DGKB: variants seen among roughly 807,000 people sequenced by gnomAD.
The protein encoded by DGKB is 90 kDa diacylglycerol kinase.
A neutral mutation model predicts 114.3 loss-of-function variants in DGKB; 67 were observed. The observed-to-expected ratio is 0.59, with a 90% CI of 0.48 to 0.72. The LOEUF (loss-of-function observed/expected upper bound fraction) is 0.72, where lower values mean the gene tolerates loss of function less well. DGKB is among the 30% of genes least tolerant of loss of function. The probability of loss-of-function intolerance (pLI) is 0.00; values close to 1 mark genes in which losing one functional copy is unlikely to be tolerated. For synonymous variants in DGKB, 398 were observed against 323.1 expected, an observed-to-expected ratio of 1.23 and a Z score of -2.49; for missense variants, 907 against 975.2, an observed-to-expected ratio of 0.93 and a Z score of 0.93.
At chr7:14,197,835 A>T (rs1340031955) in intron 23 of DGKB, among the ~76,000 whole-genome samples, 1 of 152,144 alleles carries the variant, frequency 6.6e-6, no homozygotes, top group Non-Finnish European at 1.5e-5. Flanking sequence ...TGACAAGCTC[A>T]CAGGCATTCA....
chr7:14,214,408 T>C (rs1788626750), intron 23 of DGKB, among the ~76,000 whole-genome samples: 1 of 152,020 alleles, frequency 6.6e-6, no homozygotes, highest in Non-Finnish European at 1.5e-5. Context: ...CAAAGAAAAA[T>C]TTAATGTTTA....
In DGKB at chr7:14,450,955, T is replaced by C. The variant is rs555625584; in HGVS notation, c.1835+27206A>G. Among the ~76,000 whole-genome samples the C allele has an allele frequency of 4.4e-3, 663 of 152,118 alleles. 4 individuals are homozygous for C. The highest frequency in any genetic ancestry group is 4.1e-3 in the Non-Finnish European group (279 of 67,968). On this transcript the variant is annotated intron_variant, in intron 21 of 25. Transcript: ENST00000402815. ...AAGGTAATTACACAGTCTACAACCATCAGGAATAGCTATCAGTCAGATGCC... is the reference window on the plus strand; with the variant it reads ...AAGGTAATTACACAGTCTACAACCACCAGGAATAGCTATCAGTCAGATGCC...
At chr7:14,381,156 T>C (rs920676594) in intron 21 of DGKB, among the ~76,000 whole-genome samples, 2 of 152,204 alleles carry the variant, frequency 1.3e-5, no homozygotes, top group African/African-American at 2.4e-5. Flanking sequence ...AACTCCAGTG[T>C]TGGAACCTGG....
chr7:14,359,957 T>G (rs1815368547), intron 21 of DGKB, among the ~76,000 whole-genome samples: 1 of 152,040 alleles, frequency 6.6e-6, no homozygotes, highest in Non-Finnish European at 1.5e-5. Context: ...AGCGATCCCA[T>G]TACTAGATAT....
chr7:14,380,137 A>T lies in DGKB; in HGVS notation c.1836-34746T>A, dbSNP rs1819206025. On this transcript the variant is annotated intron_variant, in intron 21 of 25. Coordinates refer to ENST00000402815, the MANE Select transcript of DGKB (RefSeq NM_001350709.2). ...TTCGCTATATCCAAAACTGGCAGAAATTTGTCTTCAGTGATTAAAACAGTT... is the reference window on the plus strand; with the variant it reads ...TTCGCTATATCCAAAACTGGCAGAATTTTGTCTTCAGTGATTAAAACAGTT... Among the ~76,000 whole-genome samples, 3 of 152,124 alleles carry T rather than the reference A, an allele frequency of 2.0e-5. No individual in the cohort carries two copies. The South Asian group carries it at 6.2e-4, about 32-fold the overall frequency.
At chr7:14,348,065 C>T (rs971502675) in intron 21 of DGKB, among the ~76,000 whole-genome samples, 2 of 151,900 alleles carry the variant, frequency 1.3e-5, no homozygotes, top group African/African-American at 4.8e-5. Flanking sequence ...ACAGGACAAC[C>T]ACAATGCTGA....
chr7:14,184,823 G>C (rs555326600), intron 23 of DGKB, among the ~76,000 whole-genome samples: 1 of 152,100 alleles, frequency 6.6e-6, no homozygotes, highest in Admixed American at 6.6e-5. Context: ...TAAATCCAGC[G>C]TCTCTTTATG....
intron 21 of DGKB, among the ~76,000 whole-genome samples, chr7:14,435,290 G>A (rs1829069773): frequency 6.6e-6 from 1 of 152,036 alleles, no homozygotes; most frequent in African/African-American, 2.4e-5. Context: ...ATAGAAGAAA[G>A]GGAATCCCTG....
intron 20 of DGKB, among the ~76,000 whole-genome samples, chr7:14,494,744 C>A (rs1390730861): frequency 1.3e-5 from 2 of 151,872 alleles, no homozygotes; most frequent in African/African-American, 4.8e-5. Flanking sequence ...CAAAATTACA[C>A]ATTTGTAAAA....
intron 23 of DGKB, among the ~76,000 whole-genome samples, chr7:14,284,902 C>T (rs1438105343): frequency 6.7e-6 from 1 of 149,976 alleles, no homozygotes; most frequent in Non-Finnish European, 1.5e-5. Flanking sequence ...GGGAGATATA[C>T]CTAATGCTAG....
At chr7:14,865,280 ATTTCCTGGGCGCCCTTGCCATCTGGG>A (rs1157950678) in intron 1 of DGKB, among the ~76,000 whole-genome samples, 1 of 152,112 alleles carries the variant, frequency 6.6e-6, no homozygotes, top group African/African-American at 2.4e-5. Flanking sequence ...CTCCTACTAC[ATTTCCTGGGCGCCCTTGCCATCTGGG>A]TTTACCAAAC....
At chr7:14,646,048 T>C (rs759284835) in intron 13 of DGKB, among the ~76,000 whole-genome samples, 21 of 152,184 alleles carry the variant, frequency 1.4e-4, no homozygotes, top group Non-Finnish European at 2.1e-4. Flanking sequence ...AGAGGTTTAA[T>C]TCACCAATTA....
chr7:14,452,118 G>C (rs184729621), intron 21 of DGKB, among the ~76,000 whole-genome samples: 1 of 152,154 alleles, frequency 6.6e-6, no homozygotes, highest in East Asian at 1.9e-4. Flanking sequence ...CCATCGATAT[G>C]CTTGCAATAT....
intron 21 of DGKB, among the ~76,000 whole-genome samples, chr7:14,358,533 A>G (rs1415582032): frequency 1.3e-5 from 2 of 152,182 alleles, no homozygotes. Context: ...TGCGGATGAC[A>G]TGATTGTATA....
rs1294824418 is a variant in DGKB at position 14,531,615 on chromosome 7, T to C, written c.1770+42597A>G. Among the ~76,000 whole-genome samples the C allele has an allele frequency of 3.3e-5, 5 of 151,130 alleles. No individual in the cohort carries two copies. In the East Asian group the frequency reaches 9.7e-4, roughly 29 times the overall value. On this transcript the variant is annotated intron_variant, in intron 20 of 25. Coordinates refer to ENST00000402815, the MANE Select transcript of DGKB (RefSeq NM_001350709.2). ...TTGGAAAATAAAAATGCCAAGATAGTAATTGTGAAAAATAAATGTAATAAA... is the reference window on the plus strand; with the variant it reads ...TTGGAAAATAAAAATGCCAAGATAGCAATTGTGAAAAATAAATGTAATAAA...
At position 14,660,912 on chromosome 7, in the gene DGKB, T is replaced by C. The variant is rs529782269; in HGVS notation, c.1134+12017A>G. Reference sequence around the variant, plus strand: ...AGAAATAATGCCACATATCTACAACTATCTGATCTTTGACAAACCTGAGAA... The same window carrying C: ...AGAAATAATGCCACATATCTACAACCATCTGATCTTTGACAAACCTGAGAA... On this transcript the variant is annotated intron_variant, in intron 13 of 25. Transcript: ENST00000402815. 8.6e-5 allele frequency among the ~76,000 whole-genome samples: 13 copies of C among 151,720 alleles called. No homozygotes were observed. The South Asian group carries it at 2.7e-3, about 32-fold the overall frequency.
chr7:14,880,873 T>A (rs1380564579), intron 1 of DGKB, among the ~76,000 whole-genome samples: 1 of 152,198 alleles, frequency 6.6e-6, no homozygotes, highest in Non-Finnish European at 1.5e-5. Context: ...TTCAACCATA[T>A]TCCTACTTAT....
At chr7:14,772,120 T>C (rs1837512443) in intron 2 of DGKB, among the ~76,000 whole-genome samples, 1 of 152,128 alleles carries the variant, frequency 6.6e-6, no homozygotes, top group African/African-American at 2.4e-5. Context: ...TTGATTGATG[T>C]CTCATGCCTC....
chr7:14,240,897 A>T (rs1793540252), intron 23 of DGKB, among the ~76,000 whole-genome samples: 1 of 152,090 alleles, frequency 6.6e-6, no homozygotes, highest in South Asian at 2.1e-4. Flanking sequence ...CTCCTTATTG[A>T]ATTTGTAGAA....
Sources: allele counts gnomAD v4.1 joint callset (sites outside exome capture counted in the v4.1 genomes callset), GRCh38; gene constraint gnomAD v4.1.1; transcripts MANE v1.5; gene names NCBI Gene and HGNC (gene_info 2026-07-23, HGNC 2026-07-21).